The following ABCC12 variants were observed in gnomAD, a reference collection of about 807,000 sequenced individuals.
ABCC12 encodes ATP binding cassette subfamily C member 12, also known as ATP-binding cassette sub-family C member 12.
Under a neutral mutation model 151.1 loss-of-function variants are expected in ABCC12, and 142 were observed. The observed-to-expected ratio is 0.94, with a 90% CI of 0.82 to 1.08. The LOEUF (loss-of-function observed/expected upper bound fraction) is 1.08, where lower values mean the gene tolerates loss of function less well. ABCC12 is among the 50% of genes least tolerant of loss of function. The pLI is 0.00. For missense variants in ABCC12, 1,638 were observed against 1,691.1 expected (o/e 0.97, Z 0.55); for synonymous variants, 645 against 646.4 (o/e 1.00, Z 0.03).
At chr16:48,124,062 G>A in intron 12 of ABCC12, 151 bp downstream of exon 12, 2 of 821,066 alleles carry the variant, frequency 2.4e-6, no homozygotes, top group Non-Finnish European at 4.1e-6. Flanking sequence ...TGGAGCTGCT[G>A]CGTGCATTAA....
intron 8 of ABCC12, among the ~76,000 whole-genome samples, chr16:48,135,113 T>C (rs1964564130): frequency 6.6e-6 from 1 of 151,898 alleles, no homozygotes; most frequent in Admixed American, 6.6e-5. Context: ...TCTCCATGTA[T>C]GAGTTACGAT....
intron 1 of ABCC12, among the ~76,000 whole-genome samples, chr16:48,155,060 C>G (rs1965166144): frequency 6.6e-6 from 1 of 152,220 alleles, no homozygotes; most frequent in African/African-American, 2.4e-5. Context: ...TCCCAGGCAC[C>G]TGTGGCAGCC....
chr16:48,085,865 G>A (rs1025543253), intron 28 of ABCC12, among the ~76,000 whole-genome samples, 159 bp from the exon 29 acceptor site: 1 of 152,098 alleles, frequency 6.6e-6, no homozygotes, highest in African/African-American at 2.4e-5. Context: ...TTGCAAACAG[G>A]CACCAGGGAA....
intron 14 of ABCC12, among the ~76,000 whole-genome samples, chr16:48,116,124 A>C (rs761560039): frequency 6.6e-6 from 1 of 152,192 alleles, no homozygotes. Flanking sequence ...CTGGTTCATC[A>C]TCACCACCCT....
chr16:48,140,658 C>A, intron 6 of ABCC12, 29 bp downstream of exon 6: 1 of 1,603,916 alleles, frequency 6.2e-7, no homozygotes, highest in South Asian at 1.1e-5. Context: ...GCCCATTTTC[C>A]AACATTAAAC....
intron 2 of ABCC12, among the ~76,000 whole-genome samples, chr16:48,153,135 A>G (rs1430453645): frequency 6.6e-6 from 1 of 152,244 alleles, no homozygotes; most frequent in Admixed American, 6.5e-5. Flanking sequence ...GAAATGTGTA[A>G]AAGAACAGTA....
rs150779342 is a variant in ABCC12 at position 48,096,863 on chromosome 16, C to A, written c.3078G>T (p.Ala1026=). Residue 1026 remains alanine, a synonymous_variant, in exon 24 of 31, where the codon GCG becomes GCT. Coordinates refer to ENST00000311303, the MANE Select transcript of ABCC12 (RefSeq NM_001393797.1). The part of the protein sequence containing the change: ...LYFNCALRWF[A]LRMDVLMNIL... ...TGTTCATGAGGACATCCATTCTCAG[C>A]GCAAACCACCTGAGAGCACAGTTAA... The A allele has an allele frequency of 1.2e-6, 2 of 1,614,024 alleles. No individual in the cohort carries two copies. The highest frequency in any genetic ancestry group is 1.7e-6 in the Non-Finnish European group (2 of 1,179,988).
At chr16:48,110,057 G>A (rs185779604) in intron 18 of ABCC12, among the ~76,000 whole-genome samples, 3 of 152,282 alleles carry the variant, frequency 2.0e-5, no homozygotes, top group Non-Finnish European at 4.4e-5. Flanking sequence ...CTCTCTCCAC[G>A]GGACCCCAAA....
Position 48,086,771 on chromosome 16 carries a change from C to T in ABCC12, c.3684G>A (p.Gln1228=). The T allele has an allele frequency of 6.2e-7, 1 of 1,614,028 alleles. No homozygotes were observed. Among genetic ancestry groups the T allele is most frequent in the South Asian group, 1.1e-5 (1 of 91,074 alleles). Residue 1228 remains glutamine (Q), a synonymous_variant, in exon 28 of 31, where the codon CAG becomes CAA. Coordinates refer to ENST00000311303, the MANE Select transcript of ABCC12 (RefSeq NM_001393797.1). ...CTCTCATGAATGTTCTCTCCAGAAC[C>T]TGCCAGAGCATCTCATCGGTGTGAC... ...FESHTDEMLW[Q]VLERTFMRDT... is the part of the protein sequence containing the mutation.
At position 48,088,531 on chromosome 16, in the gene ABCC12, G is replaced by A. The variant is rs1567443394; in HGVS notation, c.3475+14C>T. On this transcript the variant is annotated intron_variant, in intron 26 of 30. Transcript: ENST00000311303. Reference sequence around the variant, plus strand: ...AAACAACCCAAAAGAAACAAAAGCAGAGCTTGTCCTCACCGGAACCTGTTC... The same window carrying A: ...AAACAACCCAAAAGAAACAAAAGCAAAGCTTGTCCTCACCGGAACCTGTTC... 8.1e-6 allele frequency: 13 copies of A among 1,610,098 alleles called. No homozygotes were observed. Among genetic ancestry groups the A allele is most frequent in the Non-Finnish European group, 1.1e-5 (13 of 1,177,766 alleles).
chr16:48,127,707 T>C (rs921129850), intron 11 of ABCC12, among the ~76,000 whole-genome samples: 65 of 152,178 alleles, frequency 4.3e-4, no homozygotes, highest in African/African-American at 1.5e-3. Flanking sequence ...ACCTGGTAAA[T>C]AGTAGTGTTC....
intron 3 of ABCC12, among the ~76,000 whole-genome samples, chr16:48,144,431 C>T (rs1964931084): frequency 6.6e-6 from 1 of 151,754 alleles, no homozygotes; most frequent in African/African-American, 2.4e-5. Context: ...TTTTCCCCTC[C>T]CATTCCTCCT....
chr16:48,098,094 C>G (rs1276405011), intron 23 of ABCC12, among the ~76,000 whole-genome samples: 5 of 111,452 alleles, frequency 4.5e-5, no homozygotes, highest in African/African-American at 3.4e-5. Context: ...CCACCTGACA[C>G]ACACACACAC....
Position 48,083,779 on chromosome 16 carries a change from T to C in ABCC12, c.4016A>G (p.Glu1339Gly). Residue 1339 changes from glutamate (E) to glycine (G), a missense_variant, in exon 31 of 31, where the codon GAA (glutamate) becomes GGA (glycine). Transcript: ENST00000311303. ...NGKVIEFDKP[E>G]VLAEKPDSAF... ...AGAATCTGGCTTCTCTGCAAGGACTTCAGGCTTGTCAAACTCAATCACCTG... is the reference window on the plus strand; with the variant it reads ...AGAATCTGGCTTCTCTGCAAGGACTCCAGGCTTGTCAAACTCAATCACCTG... The C allele has an allele frequency of 6.2e-7, 1 of 1,614,180 alleles. No homozygotes were observed. The highest frequency in any genetic ancestry group is 8.5e-7 in the Non-Finnish European group (1 of 1,180,030).
chr16:48,094,011 A>G (rs1344599366), intron 24 of ABCC12, among the ~76,000 whole-genome samples: 1 of 152,244 alleles, frequency 6.6e-6, no homozygotes, highest in Admixed American at 6.5e-5. Context: ...GCTGGAGAAC[A>G]AGTGTTCCCA....
At chr16:48,099,932 G>A (rs954430852) in intron 23 of ABCC12, among the ~76,000 whole-genome samples, 5 of 151,404 alleles carry the variant, frequency 3.3e-5, no homozygotes, top group African/African-American at 4.8e-5. Flanking sequence ...TATTGTTACT[G>A]CAGTGAGCCT....
intron 27 of ABCC12, chr16:48,087,161 T>G (rs1343728646): frequency 4.7e-6 from 1 of 213,512 alleles, no homozygotes; most frequent in Non-Finnish European, 9.5e-6. Context: ...ATAAAAATTC[T>G]TGGCAGAGAA....
chr16:48,097,184 C>T lies in ABCC12; in HGVS notation c.3039-282G>A, dbSNP rs546877755. On this transcript the variant is annotated intron_variant, in intron 23 of 30. Transcript: ENST00000311303. ...TGCTAAGTGGCTCTTTCTGTCTTTC[C>T]CAGAACTGGCAGCTAGAATCTACAG... Among the ~76,000 whole-genome samples, 6 of 152,210 alleles carry T rather than the reference C, an allele frequency of 3.9e-5. No individual in the cohort carries two copies. In the East Asian group the frequency reaches 1.2e-3, roughly 29 times the overall value.
intron 8 of ABCC12, among the ~76,000 whole-genome samples, chr16:48,135,144 C>A (rs938843026): frequency 6.6e-6 from 1 of 152,016 alleles, no homozygotes; most frequent in Non-Finnish European, 1.5e-5. Context: ...ACTTCGCTTT[C>A]CTGAAATTTA....
Sources: allele counts gnomAD v4.1 joint callset (sites outside exome capture counted in the v4.1 genomes callset), GRCh38; gene constraint gnomAD v4.1.1; transcripts MANE v1.5; gene names NCBI Gene and HGNC (gene_info 2026-07-23, HGNC 2026-07-21).